The following LMF1 variants were observed in gnomAD, a reference collection of about 807,000 sequenced individuals.
The protein encoded by LMF1 is transmembrane protein 112.
Under a neutral mutation model 60.6 loss-of-function variants are expected in LMF1, and 68 were observed. That is an observed-to-expected ratio of 1.12 (90% CI 0.92 to 1.37). The LOEUF is 1.37. Among genes scored for constraint, LMF1 ranks in the 40% most tolerant of loss-of-function variants. LMF1 has a pLI of 0.00. For synonymous variants in LMF1, 418 were observed against 324.7 expected, an observed-to-expected ratio of 1.29 and a Z score of -3.09; for missense variants, 948 against 767.2, an observed-to-expected ratio of 1.24 and a Z score of -2.78.
At position 869,964 on chromosome 16, in the gene LMF1, T is replaced by C. The variant is rs1451925205; in HGVS notation, c.1335A>G (p.Pro445=). The change falls in exon 9 of 11, where the codon CCA becomes CCG. Residue 445 remains proline, a synonymous_variant. Coordinates refer to ENST00000262301, the MANE Select transcript of LMF1 (RefSeq NM_022773.4). ...GGCAGGGCCGTCTGCTGGGGTCACC[T>C]GGCTTGCACTTGAACTCGTAGTCCT... ...MWEDYEFKCK[P]GDPSRRPCLI... 1 of 1,613,240 alleles carries C rather than the reference T, an allele frequency of 6.2e-7. No individual in the cohort carries two copies. Among genetic ancestry groups the C allele is most frequent in the East Asian group, 2.2e-5 (1 of 44,896 alleles).
chr16:869,003 G>C lies in LMF1; in HGVS notation c.1470C>G (p.Ser490Arg). 3 of 1,612,540 alleles carry C rather than the reference G, an allele frequency of 1.9e-6. No individual in the cohort carries two copies. The highest frequency in any genetic ancestry group is 2.5e-6 in the Non-Finnish European group (3 of 1,179,736). Reference protein sequence around the residue: ...IIHLAGKLLASDAEALSLLAH... With the variant: ...IIHLAGKLLARDAEALSLLAH... ...CCAGCAGGGACAAGGCCTCGGCGTC[G>C]CTGGCCAGGAGCTTGCCAGCCAGGT... Residue 490 changes from serine to arginine, a missense_variant, in exon 10 of 11, where the codon AGC (serine) becomes AGG (arginine). Transcript: ENST00000262301.
At chr16:954,971 T>TCTAAGCGAACCAC (rs2072641607) in intron 1 of LMF1, among the ~76,000 whole-genome samples, 1 of 84,066 alleles carries the variant, frequency 1.2e-5, no homozygotes, top group South Asian at 4.7e-4. Context: ...CACACACACA[T>TCTAAGCGAACCAC]ATCTAAGTGA....
chr16:920,339 T>A (rs1451480139), intron 3 of LMF1, among the ~76,000 whole-genome samples: 3 of 152,146 alleles, frequency 2.0e-5, no homozygotes, highest in African/African-American at 7.2e-5. Context: ...CAGGAAAGCA[T>A]CAGGACCGGA....
Position 948,896 on chromosome 16 carries a change from G to A in LMF1, c.503+5461C>T, listed in dbSNP as rs1315648057. 2.2e-5 allele frequency among the ~76,000 whole-genome samples: 2 copies of A among 92,534 alleles called. 1 individual carries two copies. The highest frequency in any genetic ancestry group is 3.9e-5 in the Non-Finnish European group (2 of 51,070). 60.7% of individuals were successfully genotyped at this position (92,534 alleles called of 152,430 possible). ...AGAGCCAATGACAGAGTCAGCCAAC[G>A]ACAGAGTCAGCCAACGACAGAGTCA... On this transcript the variant is annotated intron_variant, in intron 2 of 10. Transcript: ENST00000262301.
Position 859,107 on chromosome 16 carries a change from G to C in LMF1, c.1530-4401C>G, listed in dbSNP as rs571716779. On this transcript the variant is annotated intron_variant, in intron 10 of 10. Coordinates refer to ENST00000262301, the MANE Select transcript of LMF1 (RefSeq NM_022773.4). The stretch of plus-strand genomic sequence containing the variant: ...AGTGGTGTCTCGGGACGGGTGTGCA[G>C]TGATGTCTCGGGACGGGTGTGCACT... Among the ~76,000 whole-genome samples, 239 of 125,986 alleles carry C rather than the reference G, an allele frequency of 1.9e-3. 19 individuals are homozygous for C. Among genetic ancestry groups the C allele is most frequent in the African/African-American group, 6.0e-3 (161 of 26,984 alleles). 82.7% of individuals were successfully genotyped at this position (125,986 alleles called of 152,430 possible).
chr16:869,875 T>C lies in LMF1; in HGVS notation c.1416+8A>G. ...AGGTCCATGCGCCCGCCAGGGACCG[T>C]CCCCCACCTGGAAGGCCGCGAACCA... is the stretch of plus-strand genomic sequence containing the variant. On this transcript the variant is annotated splice_region_variant and intron_variant, in intron 9 of 10. Coordinates refer to ENST00000262301, the MANE Select transcript of LMF1 (RefSeq NM_022773.4). The C allele has an allele frequency of 6.2e-7, 1 of 1,609,430 alleles. No individual in the cohort carries two copies. Among genetic ancestry groups the C allele is most frequent in the Non-Finnish European group, 8.5e-7 (1 of 1,178,848 alleles).
At chr16:856,045 C>CCCTGAGGCG (rs1567129650) in intron 10 of LMF1, 2 of 438,702 alleles carry the variant, frequency 4.6e-6, no homozygotes, top group Admixed American at 5.0e-5. Context: ...GGAGGAGGGT[C>CCCTGAGGCG]CCTGAGGCGC....
At chr16:944,724 C>T (rs1379405848) in intron 2 of LMF1, among the ~76,000 whole-genome samples, 1 of 152,188 alleles carries the variant, frequency 6.6e-6, no homozygotes. Flanking sequence ...ACGTCCTCTC[C>T]CTCAAACTGC....
chr16:871,401 GGC>G (rs2069788869), intron 6 of LMF1, 60 bp from the exon 7 acceptor site: 1 of 1,558,498 alleles, frequency 6.4e-7, no homozygotes, highest in African/African-American at 1.4e-5. Context: ...CTGGGCAGCT[GGC>G]GCCTCTCTTC....
At chr16:868,624 G>A (rs565638245) in intron 10 of LMF1, among the ~76,000 whole-genome samples, 5 of 152,294 alleles carry the variant, frequency 3.3e-5, no homozygotes, top group Non-Finnish European at 7.4e-5. Context: ...AGGAGCAGAG[G>A]TGGCACCTAG....
intron 2 of LMF1, among the ~76,000 whole-genome samples, chr16:940,685 AG>A (rs1157296872): frequency 3.3e-5 from 5 of 152,250 alleles, no homozygotes; most frequent in Non-Finnish European, 7.3e-5. Context: ...TGGGAGACGC[AG>A]TCTCAGAACC....
At chr16:907,922 A>C (rs1398508668) in intron 4 of LMF1, among the ~76,000 whole-genome samples, 1 of 152,260 alleles carries the variant, frequency 6.6e-6, no homozygotes, top group Non-Finnish European at 1.5e-5. Flanking sequence ...TCCCATGAGC[A>C]GATGAGTCCC....
In LMF1 at chr16:874,131, G is replaced by C. The variant is rs774917679; in HGVS notation, c.898-2790C>G. ...GCGGCGGTTGCATCACGCTGTGAACGTGCTGGAGGCCCCCGAGTTCACTTC... is the reference window on the plus strand; with the variant it reads ...GCGGCGGTTGCATCACGCTGTGAACCTGCTGGAGGCCCCCGAGTTCACTTC... On this transcript the variant is annotated intron_variant, in intron 6 of 10. Transcript: ENST00000262301. This position sits in a 1 kb window ranked among gnomAD's most constrained non-coding sequence, Gnocchi z 4.1. Among the ~76,000 whole-genome samples, 1 of 152,170 alleles carries C rather than the reference G, an allele frequency of 6.6e-6. No homozygotes were observed. Among genetic ancestry groups the C allele is most frequent in the Non-Finnish European group, 1.5e-5 (1 of 68,034 alleles).
chr16:877,977 C>T (rs562786520), intron 6 of LMF1, among the ~76,000 whole-genome samples: 1 of 152,086 alleles, frequency 6.6e-6, no homozygotes, highest in Admixed American at 6.5e-5. Flanking sequence ...TACAAACGCG[C>T]GTGGGGTCTG....
chr16:921,649 A>G (rs2071434645), intron 3 of LMF1, among the ~76,000 whole-genome samples: 1 of 152,326 alleles, frequency 6.6e-6, no homozygotes, highest in Non-Finnish European at 1.5e-5. Context: ...ATGGAGGGAA[A>G]GACGCAGTGT....
intron 1 of LMF1, among the ~76,000 whole-genome samples, chr16:955,978 G>A (rs1019399120): frequency 2.7e-5 from 4 of 150,594 alleles, no homozygotes; most frequent in Admixed American, 6.6e-5. Context: ...ACAGGTCTCC[G>A]AGTTCACGTC....
intron 4 of LMF1, among the ~76,000 whole-genome samples, chr16:905,696 C>T (rs1318356324): frequency 6.6e-6 from 1 of 151,888 alleles, no homozygotes; most frequent in South Asian, 2.1e-4. Context: ...TGAATATTTT[C>T]TCCTGATCTG....
upstream of LMF1, among the ~76,000 whole-genome samples, chr16:972,906 T>G (rs1315385909): frequency 6.6e-6 from 1 of 152,358 alleles, no homozygotes; most frequent in South Asian, 2.1e-4. Context: ...CTTGAGACGC[T>G]GACCGCAGGG....
At position 938,829 on chromosome 16, in the gene LMF1, C is replaced by T. The variant is rs551765486; in HGVS notation, c.504-4575G>A. On this transcript the variant is annotated intron_variant, in intron 2 of 10. Transcript: ENST00000262301. The stretch of plus-strand genomic sequence containing the variant: ...TTCACTACAGGTAAGCAATTTAAAA[C>T]AGGATGTAAATATGTAAATAGCCCT... Among the ~76,000 whole-genome samples, 9 of 152,268 alleles carry T rather than the reference C, an allele frequency of 5.9e-5. No individual in the cohort carries two copies. In the South Asian group the frequency reaches 1.9e-3, roughly 32 times the overall value.
Sources: gnomAD v4.1 joint callset for allele counts (sites outside exome capture counted in the v4.1 genomes callset) on GRCh38, gnomAD v4.1.1 for gene constraint, Gnocchi (gnomAD v3.1) non-coding constraint, MANE v1.5 for transcripts, NCBI Gene and HGNC (gene_info 2026-07-23, HGNC 2026-07-21) for gene names.